ANKS1B: variants seen among roughly 807,000 people sequenced by gnomAD.
The protein encoded by ANKS1B is ankyrin repeat and sterile alpha motif domain containing 1B.
ANKS1B carries 36 observed loss-of-function variants against 148.3 expected under a neutral mutation model. The ratio of observed to expected loss-of-function variants is 0.24; its 90% CI spans 0.19 to 0.32. The LOEUF is 0.32. Ranked by LOEUF, ANKS1B falls within the 10% of genes least tolerant of loss-of-function variation. The pLI is 1.00. For synonymous variants in ANKS1B, 542 were observed against 560.8 expected, an observed-to-expected ratio of 0.97 and a Z score of 0.47; for missense variants, 1,157 against 1,542.6, an observed-to-expected ratio of 0.75 and a Z score of 4.19.
chr12:99,097,827 T>A (rs2153664953), intron 15 of ANKS1B, among the ~76,000 whole-genome samples: 1 of 152,346 alleles, frequency 6.6e-6, no homozygotes, highest in African/African-American at 2.4e-5. Flanking sequence ...TGTTCCCTTT[T>A]AACACGGCAT....
chr12:99,475,836 C>CA (rs1368839932), intron 10 of ANKS1B, among the ~76,000 whole-genome samples: 1 of 151,500 alleles, frequency 6.6e-6, no homozygotes, highest in Non-Finnish European at 1.5e-5. Context: ...TTATAAATAA[C>CA]AAAGAGTGTA....
intron 17 of ANKS1B, among the ~76,000 whole-genome samples, chr12:99,000,523 C>A (rs1446069768): frequency 6.6e-6 from 1 of 152,090 alleles, no homozygotes; most frequent in East Asian, 1.9e-4. Flanking sequence ...CCTGCCTTGG[C>A]CTCCCAAAGT....
At chr12:99,952,210 CA>C (rs2095238311) in intron 1 of ANKS1B, among the ~76,000 whole-genome samples, 1 of 152,116 alleles carries the variant, frequency 6.6e-6, no homozygotes, top group African/African-American at 2.4e-5. Context: ...GGCTTGGATA[CA>C]TGAATTCATG....
intron 19 of ANKS1B, among the ~76,000 whole-genome samples, chr12:98,824,574 T>C (rs1304888464): frequency 1.3e-5 from 2 of 152,158 alleles, no homozygotes; most frequent in Non-Finnish European, 2.9e-5. Flanking sequence ...TTATCCACAT[T>C]TTAAAGACAA....
chr12:99,965,913 G>A (rs566083142), intron 1 of ANKS1B, among the ~76,000 whole-genome samples: 7 of 152,102 alleles, frequency 4.6e-5, no homozygotes, highest in Middle Eastern at 3.4e-3. Context: ...CTGCATCTCC[G>A]AAAACAACCA....
intron 8 of ANKS1B, among the ~76,000 whole-genome samples, chr12:99,674,003 A>G (rs575251350): frequency 1.1e-4 from 16 of 151,964 alleles, no homozygotes; most frequent in Non-Finnish European, 2.2e-4. Context: ...CAGGAAAAGA[A>G]CATGAGTCAA....
At chr12:99,280,906 TACACACACACACGTGCGCACATAC>T (rs1465172945) in intron 12 of ANKS1B, among the ~76,000 whole-genome samples, 3 of 148,586 alleles carry the variant, frequency 2.0e-5, no homozygotes, top group African/African-American at 7.4e-5. Context: ...CACATGCACG[TACACACACACACGTGCGCACATAC>T]ACACACACAC....
chr12:99,324,411 A>G (rs1460430903), intron 12 of ANKS1B, among the ~76,000 whole-genome samples: 1 of 152,128 alleles, frequency 6.6e-6, no homozygotes, highest in Non-Finnish European at 1.5e-5. Flanking sequence ...ACTTGGGAAC[A>G]ATGAACTAGA....
intron 9 of ANKS1B, among the ~76,000 whole-genome samples, chr12:99,553,456 T>C (rs1025191110): frequency 5.3e-5 from 8 of 152,196 alleles, no homozygotes; most frequent in African/African-American, 1.9e-4. Flanking sequence ...CTAAGCTCTT[T>C]GACTTTATTT....
At chr12:98,749,819 G>A (rs1156279064) in intron 26 of ANKS1B, among the ~76,000 whole-genome samples, 1 of 152,182 alleles carries the variant, frequency 6.6e-6, no homozygotes, top group Non-Finnish European at 1.5e-5. Flanking sequence ...GGCCTGGGGC[G>A]AGGTGGCAGT....
In ANKS1B at chr12:98,745,261, T is replaced by C. The variant is rs149925427; in HGVS notation, c.*478A>G. ...TTTTGCATTAAACGATACTCAATGA[T>C]AGAATGATTTTACAGATGCTTTGGA... On this transcript the variant is annotated 3_prime_UTR_variant, in exon 27 of 27. Transcript: ENST00000683438. The C allele has an allele frequency of 1.0e-6, 1 of 985,804 alleles. No homozygotes were observed. The highest frequency in any genetic ancestry group is 1.7e-5 in the African/African-American group (1 of 57,284). The allele number at this position is 985,804 out of a possible 1,614,324, so 61.1% of individuals were successfully genotyped here. A position where few individuals can be genotyped will look rare whatever the true frequency, so the allele number is the denominator to read the frequency against.
intron 4 of ANKS1B, among the ~76,000 whole-genome samples, chr12:99,803,284 CAA>C (rs1555620507): frequency 2.0e-4 from 24 of 121,894 alleles, no homozygotes; most frequent in Admixed American, 4.9e-4. Context: ...CACCCCCCCC[CAA>C]AAAAAAAGGC....
At chr12:98,760,113 GT>G in intron 25 of ANKS1B, among the ~76,000 whole-genome samples, 1 of 152,146 alleles carries the variant, frequency 6.6e-6, no homozygotes, top group East Asian at 1.9e-4. Flanking sequence ...GTGAATAGTA[GT>G]TATCACTGCG....
At chr12:99,875,522 CAAGA>C (rs2091966470) in intron 1 of ANKS1B, among the ~76,000 whole-genome samples, 1 of 151,842 alleles carries the variant, frequency 6.6e-6, no homozygotes, top group African/African-American at 2.4e-5. Context: ...AGAAAGACCT[CAAGA>C]AAGAAAGAAA....
intron 14 of ANKS1B, among the ~76,000 whole-genome samples, chr12:99,195,810 T>TA (rs1339905349): frequency 2.0e-5 from 3 of 151,820 alleles, no homozygotes; most frequent in Non-Finnish European, 2.9e-5. Context: ...AATTGGTAAT[T>TA]TAAAAAAATC....
At chr12:99,579,425 G>A (rs1182112019) in intron 9 of ANKS1B, among the ~76,000 whole-genome samples, 1 of 152,098 alleles carries the variant, frequency 6.6e-6, no homozygotes, top group Admixed American at 6.6e-5. Flanking sequence ...TCTACAGAAT[G>A]GGAGAAAATA....
At chr12:99,427,051 C>A (rs552968472) in intron 11 of ANKS1B, among the ~76,000 whole-genome samples, 1 of 152,298 alleles carries the variant, frequency 6.6e-6, no homozygotes, top group Admixed American at 6.5e-5. Context: ...CCACTCATTT[C>A]CCTATACTTC....
intron 10 of ANKS1B, among the ~76,000 whole-genome samples, chr12:99,464,602 T>G (rs372245844): frequency 1.3e-5 from 2 of 151,464 alleles, no homozygotes; most frequent in Non-Finnish European, 3.0e-5. Flanking sequence ...CTTAAAGGAG[T>G]TGATGGAGCT....
chr12:99,399,900 T>A, intron 11 of ANKS1B, 89 bp from the exon 12 acceptor site: 1 of 1,363,166 alleles, frequency 7.3e-7, no homozygotes, highest in South Asian at 1.3e-5. Flanking sequence ...AGTGATAATT[T>A]TTTTCAGTTA....
Sources: gnomAD v4.1 joint callset for allele counts (sites outside exome capture counted in the v4.1 genomes callset) on GRCh38, gnomAD v4.1.1 for gene constraint, MANE v1.5 for transcripts, NCBI Gene and HGNC (gene_info 2026-07-23, HGNC 2026-07-21) for gene names.